Variants in MYO10 observed in about 807,000 individuals in gnomAD.
MYO10 encodes unconventional myosin-X.
A neutral mutation model predicts 257.3 loss-of-function variants in MYO10; 133 were observed. That is an observed-to-expected ratio of 0.52 (90% CI 0.45 to 0.60). The LOEUF (loss-of-function observed/expected upper bound fraction) is 0.60, where lower values mean the gene tolerates loss of function less well. Ranked by LOEUF, MYO10 falls within the 20% of genes least tolerant of loss-of-function variation. MYO10 has a pLI of 0.00. For synonymous variants in MYO10, 1,104 were observed against 1,028.6 expected (o/e 1.07, Z -1.40); for missense variants, 2,399 against 2,635.7 (o/e 0.91, Z 1.97).
intron 2 of MYO10, among the ~76,000 whole-genome samples, chr5:16,831,266 T>C (rs1037647178): frequency 6.6e-6 from 1 of 152,170 alleles, no homozygotes; most frequent in African/African-American, 2.4e-5. Context: ...TCTACACTGC[T>C]GGTGGGAATG....
intron 3 of MYO10, among the ~76,000 whole-genome samples, chr5:16,809,315 G>T (rs1029333376): frequency 2.0e-5 from 3 of 152,228 alleles, no homozygotes; most frequent in Non-Finnish European, 4.4e-5. Flanking sequence ...TTCAGGCCAC[G>T]CTGCCTCCGT....
chr5:16,823,184 G>A (rs888483035), intron 2 of MYO10, among the ~76,000 whole-genome samples: 6 of 148,324 alleles, frequency 4.0e-5, no homozygotes, highest in Non-Finnish European at 8.9e-5. Flanking sequence ...GCTCACGCCT[G>A]TAATCCCAGC....
chr5:16,794,729 C>T lies in MYO10; in HGVS notation c.384G>A (p.Glu128=). 1.2e-6 allele frequency: 2 copies of T among 1,613,424 alleles called. No homozygotes were observed. The highest frequency in any genetic ancestry group is 2.2e-5 in the East Asian group (1 of 44,842). Residue 128 remains glutamate (E), a synonymous_variant, in exon 4 of 41, where the codon GAG becomes GAA. Coordinates refer to ENST00000513610, the MANE Select transcript of MYO10 (RefSeq NM_012334.3). ...MEQYSRRHLG[E]LPPHIFAIAN... ...CGATGGCGAAGATGTGCGGGGGCAGCTCGCCCAGGTGGCGCCGGCTGTACT... is the reference window on the plus strand; with the variant it reads ...CGATGGCGAAGATGTGCGGGGGCAGTTCGCCCAGGTGGCGCCGGCTGTACT...
chr5:16,918,871 T>C (rs79456824), intron 1 of MYO10, among the ~76,000 whole-genome samples: 5,940 of 152,188 alleles, frequency 0.039, 136 homozygotes, highest in East Asian at 0.053. Flanking sequence ...TCGGGATGAG[T>C]GTGCAGTTGC....
intron 18 of MYO10, among the ~76,000 whole-genome samples, chr5:16,755,910 T>C (rs1247133924): frequency 3.3e-5 from 5 of 152,058 alleles, no homozygotes; most frequent in Non-Finnish European, 7.4e-5. Context: ...TTTCAGTATG[T>C]AGGATTAAAG....
At chr5:16,855,976 A>G (rs1204042291) in intron 2 of MYO10, among the ~76,000 whole-genome samples, 1 of 152,238 alleles carries the variant, frequency 6.6e-6, no homozygotes, top group Non-Finnish European at 1.5e-5. Context: ...ACATCCAAAC[A>G]GCAGCCAGAT....
chr5:16,798,431 T>G (rs1742028811), intron 3 of MYO10, among the ~76,000 whole-genome samples: 1 of 152,018 alleles, frequency 6.6e-6, no homozygotes, highest in Non-Finnish European at 1.5e-5. Flanking sequence ...ACCCATTTTG[T>G]CCTGTCGGAG....
Position 16,694,423 on chromosome 5 carries a change from C to G in MYO10, c.3748G>C (p.Glu1250Gln), listed in dbSNP as rs753225847. ...TTGAGCTTCTCCTCGCTGTCGTTTT[C>G]AAAGTACATCAGCTTGGACTGGCGG... ...VLRQSKLMYF[E>Q]NDSEEKLKGT... The change falls in exon 27 of 41, where the codon GAA (glutamate) becomes CAA (glutamine). Residue 1250 changes from glutamate (E) to glutamine (Q), a missense_variant. By Grantham distance (29) the Glu-to-Gln change is conservative. This residue lies in a region of MYO10 where 1,820 missense variants were observed against 1,939.4 expected (regional missense o/e 0.94). Transcript: ENST00000513610. The G allele has an allele frequency of 6.2e-7, 1 of 1,614,062 alleles. No homozygotes were observed. Among genetic ancestry groups the G allele is most frequent in the Non-Finnish European group, 8.5e-7 (1 of 1,179,902 alleles).
Position 16,920,222 on chromosome 5 carries a change from C to T in MYO10, c.21+15566G>A, listed in dbSNP as rs189284145. 1.5e-4 allele frequency among the ~76,000 whole-genome samples: 22 copies of T among 151,662 alleles called. No homozygotes were observed. In the East Asian group the frequency reaches 3.9e-3, roughly 27 times the overall value. Reference sequence around the variant, plus strand: ...CCGGGAGGCAGAGACTGCAGTGAACCGACATTGCGCCACTGCACTCCAGCC... The same window carrying T: ...CCGGGAGGCAGAGACTGCAGTGAACTGACATTGCGCCACTGCACTCCAGCC... On this transcript the variant is annotated intron_variant, in intron 1 of 40. Coordinates refer to ENST00000513610, the MANE Select transcript of MYO10 (RefSeq NM_012334.3).
chr5:16,673,912 T>G (rs1736597011), intron 35 of MYO10, 23 bp from the exon 36 acceptor site: 5 of 1,608,120 alleles, frequency 3.1e-6, no homozygotes, highest in Non-Finnish European at 4.3e-6. Flanking sequence ...CACTAACTGT[T>G]AATTTTTAGA....
At chr5:16,782,669 C>A (rs1263031619) in intron 5 of MYO10, among the ~76,000 whole-genome samples, 1 of 152,138 alleles carries the variant, frequency 6.6e-6, no homozygotes, top group Non-Finnish European at 1.5e-5. Context: ...GGTTTGCCGA[C>A]CCCTGGACAA....
intron 1 of MYO10, among the ~76,000 whole-genome samples, chr5:16,921,800 G>A (rs1745994491): frequency 6.6e-6 from 1 of 152,088 alleles, no homozygotes; most frequent in Non-Finnish European, 1.5e-5. Flanking sequence ...CAACCAGGAG[G>A]TGAGGGTATG....
intron 2 of MYO10, among the ~76,000 whole-genome samples, chr5:16,850,240 T>G (rs1429546457): frequency 6.6e-6 from 1 of 152,172 alleles, no homozygotes; most frequent in Non-Finnish European, 1.5e-5. Context: ...ACTTATTAAA[T>G]CTGACACTCC....
intron 2 of MYO10, among the ~76,000 whole-genome samples, chr5:16,826,565 G>A (rs76360934): frequency 0.021 from 3,191 of 152,262 alleles, 99 homozygotes; most frequent in African/African-American, 0.073. Flanking sequence ...CACACTCTCC[G>A]GAACAGCTCC....
chr5:16,753,046 C>T (rs180887161), intron 19 of MYO10, among the ~76,000 whole-genome samples: 295 of 152,318 alleles, frequency 1.9e-3, no homozygotes, highest in Non-Finnish European at 2.7e-3. Flanking sequence ...CAAATTCTCA[C>T]CATCATATCT....
intron 2 of MYO10, among the ~76,000 whole-genome samples, chr5:16,842,788 G>A (rs1397815893): frequency 1.3e-5 from 2 of 151,956 alleles, no homozygotes; most frequent in African/African-American, 2.4e-5. Flanking sequence ...CCAGCTAGTC[G>A]GGAGGCTGAG....
At chr5:16,772,380 G>A (rs980025595) in intron 9 of MYO10, among the ~76,000 whole-genome samples, 23 of 152,010 alleles carry the variant, frequency 1.5e-4, no homozygotes, top group African/African-American at 4.1e-4. Flanking sequence ...TGATCCACCC[G>A]CCTTGGCCTC....
In MYO10 at chr5:16,766,218, G is replaced by A; in HGVS notation, c.1061-20C>T. 6.3e-7 allele frequency: 1 copy of A among 1,590,070 alleles called. No homozygotes were observed. Among genetic ancestry groups the A allele is most frequent in the East Asian group, 2.2e-5 (1 of 44,656 alleles). On this transcript the variant is annotated intron_variant, in intron 10 of 40. Transcript: ENST00000513610. ...CCAAAGCTGCAGAGAATAAGACAAAGGTGAATGAACCCACCGCCCCCAAGA... is the reference window on the plus strand; with the variant it reads ...CCAAAGCTGCAGAGAATAAGACAAAAGTGAATGAACCCACCGCCCCCAAGA...
At chr5:16,925,126 C>T (rs929705028) in intron 1 of MYO10, among the ~76,000 whole-genome samples, 10 of 152,098 alleles carry the variant, frequency 6.6e-5, no homozygotes, top group Admixed American at 6.6e-4. Context: ...CCACTGCACC[C>T]GGCCTATCAC....
Sources: gnomAD v4.1 joint callset for allele counts (sites outside exome capture counted in the v4.1 genomes callset) on GRCh38, gnomAD v4.1.1 for gene constraint, gnomAD v4.1.1 regional missense constraint, MANE v1.5 for transcripts, NCBI Gene and HGNC (gene_info 2026-07-23, HGNC 2026-07-21) for gene names.